Variants in PLXNA4 observed in about 807,000 individuals in gnomAD.
PLXNA4 encodes plexin A4.
PLXNA4 carries 44 observed loss-of-function variants against 191.8 expected under a neutral mutation model. The ratio of observed to expected loss-of-function variants is 0.23; its 90% CI spans 0.18 to 0.29. PLXNA4 has a LOEUF of 0.29. PLXNA4 is among the 10% of genes least tolerant of loss of function. PLXNA4 has a pLI of 1.00. For missense variants in PLXNA4, 1,800 were observed against 2,488.8 expected (o/e 0.72, Z 5.89); for synonymous variants, 1,082 against 1,009.5 (o/e 1.07, Z -1.36).
chr7:132,303,191 A>G (rs1483790695), intron 3 of PLXNA4, among the ~76,000 whole-genome samples: 1 of 151,678 alleles, frequency 6.6e-6, no homozygotes, highest in Non-Finnish European at 1.5e-5. Context: ...TTATTTTTAC[A>G]TAGTATAGAT....
chr7:132,487,440 T>C (rs1170749646), intron 3 of PLXNA4, among the ~76,000 whole-genome samples: 1 of 152,166 alleles, frequency 6.6e-6, no homozygotes, highest in African/African-American at 2.4e-5. Flanking sequence ...AGTGCATGAA[T>C]TGTACACAGT....
At position 132,303,108 on chromosome 7, in the gene PLXNA4, C is replaced by T. The variant is rs117804926; in HGVS notation, c.1372-4886G>A. On this transcript the variant is annotated intron_variant, in intron 3 of 31. Coordinates refer to ENST00000321063, the MANE Select transcript of PLXNA4 (RefSeq NM_020911.2). Reference sequence around the variant, plus strand: ...GCCAGGCTGGTCTCAAACTCGACCTCGTGATCTGCCCGCCTCGGCCTCCCA... The same window carrying T: ...GCCAGGCTGGTCTCAAACTCGACCTTGTGATCTGCCCGCCTCGGCCTCCCA... 4.0e-3 allele frequency among the ~76,000 whole-genome samples: 604 copies of T among 151,844 alleles called. 15 individuals are homozygous for T. In the East Asian group the frequency reaches 0.075, roughly 19 times the overall value.
intron 3 of PLXNA4, among the ~76,000 whole-genome samples, chr7:132,430,797 G>T (rs1795229738): frequency 6.6e-6 from 1 of 152,156 alleles, no homozygotes; most frequent in Non-Finnish European, 1.5e-5. Context: ...TGGTTGGGTG[G>T]CAATGAGATT....
rs145828587 is a variant in PLXNA4 at position 132,191,772 on chromosome 7, ATC to A, written c.2856+2288_2856+2289del. Among the ~76,000 whole-genome samples, 705 of 142,462 alleles carry A rather than the reference ATC, an allele frequency of 4.9e-3. 8 individuals are homozygous for A. The highest frequency in any genetic ancestry group is 0.015 in the African/African-American group (574 of 37,392). The allele number at this position is 142,462 out of a possible 152,430, so 93.5% of individuals were successfully genotyped here. Reference sequence around the variant, plus strand: ...GGCGAATGTCATCCCTCCTCTCTCCATCTCTCTCTCTCTCTCTCTCTCTGTCT... The same window carrying A: ...GGCGAATGTCATCCCTCCTCTCTCCATCTCTCTCTCTCTCTCTCTCTGTCT... On this transcript the variant is annotated intron_variant, in intron 14 of 31. Transcript: ENST00000321063.
chr7:132,407,372 A>G (rs989864291), intron 3 of PLXNA4, among the ~76,000 whole-genome samples: 1 of 152,256 alleles, frequency 6.6e-6, no homozygotes, highest in South Asian at 2.1e-4. Flanking sequence ...CTAGTGTGAG[A>G]AGTTTCTAGT....
At chr7:132,477,826 A>T (rs1193378906) in intron 3 of PLXNA4, among the ~76,000 whole-genome samples, 1 of 152,252 alleles carries the variant, frequency 6.6e-6, no homozygotes, top group Non-Finnish European at 1.5e-5. Context: ...TCTCAGCTAC[A>T]ATGTTGAAAG....
chr7:132,133,527 G>A (rs940618494), intron 30 of PLXNA4, among the ~76,000 whole-genome samples: 3 of 152,136 alleles, frequency 2.0e-5, no homozygotes, highest in Admixed American at 6.5e-5. Context: ...GAGAGGTCTA[G>A]ACTGTCTTGA....
chr7:132,638,528 T>C (rs1803654481), intron 2 of PLXNA4, among the ~76,000 whole-genome samples: 1 of 152,136 alleles, frequency 6.6e-6, no homozygotes, highest in African/African-American at 2.4e-5. Context: ...GGTGTGTGCC[T>C]GTAATCCCAG....
rs1008614996 is a variant in PLXNA4 at position 132,226,306 on chromosome 7, A to C, written c.1883-46T>G. 3 of 1,521,912 alleles carry C rather than the reference A, an allele frequency of 2.0e-6. No homozygotes were observed. The African/African-American group carries it at 4.1e-5, about 21-fold the overall frequency. The allele number at this position is 1,521,912 out of a possible 1,614,324, so 94.3% of individuals were successfully genotyped here. A position where few individuals can be genotyped will look rare whatever the true frequency, so the allele number is the denominator to read the frequency against. Reference sequence around the variant, plus strand: ...GGGGTCAGGGAATGCTGAGGCCCCAAGCCAGGGATTCCCTGACCAGTGACA... The same window carrying C: ...GGGGTCAGGGAATGCTGAGGCCCCACGCCAGGGATTCCCTGACCAGTGACA... On this transcript the variant is annotated intron_variant, in intron 7 of 31. Coordinates refer to ENST00000321063, the MANE Select transcript of PLXNA4 (RefSeq NM_020911.2).
chr7:132,198,920 G>A (rs577365927), intron 12 of PLXNA4, among the ~76,000 whole-genome samples: 8 of 152,166 alleles, frequency 5.3e-5, no homozygotes, highest in South Asian at 2.1e-4. Context: ...CAATGCTACC[G>A]GGTGATTCGT....
intron 2 of PLXNA4, among the ~76,000 whole-genome samples, chr7:132,617,216 A>T (rs930215892): frequency 6.6e-6 from 1 of 152,170 alleles, no homozygotes; most frequent in African/African-American, 2.4e-5. Context: ...CCCAGCTGTC[A>T]TGCTGAGAGG....
chr7:132,403,178 C>T (rs1003636945), intron 3 of PLXNA4, among the ~76,000 whole-genome samples: 19 of 152,184 alleles, frequency 1.2e-4, no homozygotes, highest in Admixed American at 3.9e-4. Flanking sequence ...GCCCAGGTCC[C>T]GGCCCCAGAC....
chr7:132,472,921 A>G (rs1398256185), intron 3 of PLXNA4, among the ~76,000 whole-genome samples: 1 of 152,218 alleles, frequency 6.6e-6, no homozygotes, highest in African/African-American at 2.4e-5. Context: ...GTTCCAGGAC[A>G]GGTCCACAGA....
At position 132,433,939 on chromosome 7, in the gene PLXNA4, A is replaced by G. The variant is rs367854162; in HGVS notation, c.1371+55353T>C. Among the ~76,000 whole-genome samples the G allele has an allele frequency of 1.1e-3, 172 of 152,324 alleles. 1 individual carries two copies. Among genetic ancestry groups the G allele is most frequent in the Middle Eastern group, 6.8e-3 (2 of 294 alleles). ...CCAGGCTAAGGATTCACAGAAGGAA[A>G]AGTTGATGATCCCAGTCCCTAGAGA... On this transcript the variant is annotated intron_variant, in intron 3 of 31. Coordinates refer to ENST00000321063, the MANE Select transcript of PLXNA4 (RefSeq NM_020911.2).
intron 3 of PLXNA4, among the ~76,000 whole-genome samples, chr7:132,477,777 C>G (rs921224270): frequency 6.6e-6 from 1 of 152,114 alleles, no homozygotes; most frequent in Non-Finnish European, 1.5e-5. Flanking sequence ...ACTGTATTTT[C>G]TATGTGAAGA....
chr7:132,602,408 A>G (rs1317506243), intron 2 of PLXNA4, among the ~76,000 whole-genome samples: 2 of 152,134 alleles, frequency 1.3e-5, no homozygotes, highest in Admixed American at 1.3e-4. Flanking sequence ...CGACCAAGAG[A>G]CCATGTTGCC....
At position 132,298,220 on chromosome 7, in the gene PLXNA4, G is replaced by A. The variant is rs1418430168; in HGVS notation, c.1374C>T (p.Ile458=). ...CGTTGCCCCTGGGTCCATCCACCCG[G>A]ATCTGTGGAGAAGAAGAGGAGAGCC... The part of the protein sequence containing the change: ...VGTKSGKLKK[I]RVDGPRGNAL... The change falls in exon 4 of 32, where the codon ATC becomes ATT. Residue 458 remains isoleucine, a splice_region_variant and synonymous_variant. Coordinates refer to ENST00000321063, the MANE Select transcript of PLXNA4 (RefSeq NM_020911.2). 2 of 1,611,364 alleles carry A rather than the reference G, an allele frequency of 1.2e-6. No individual in the cohort carries two copies. Among genetic ancestry groups the A allele is most frequent in the Admixed American group, 3.4e-5 (2 of 59,624 alleles).
intron 3 of PLXNA4, among the ~76,000 whole-genome samples, chr7:132,442,416 A>T (rs1585140954): frequency 6.6e-6 from 1 of 152,236 alleles, no homozygotes; most frequent in East Asian, 1.9e-4. Flanking sequence ...CCCCCATCCC[A>T]CTTTCAGAAG....
intron 6 of PLXNA4, 87 bp from the exon 7 acceptor site, chr7:132,227,691 G>T: frequency 6.5e-7 from 1 of 1,535,582 alleles, no homozygotes; most frequent in South Asian, 1.2e-5. Context: ...GTGGGAGAGT[G>T]AGAGAGATCA....
Sources: gnomAD v4.1 joint callset for allele counts (sites outside exome capture counted in the v4.1 genomes callset) on GRCh38, gnomAD v4.1.1 for gene constraint, MANE v1.5 for transcripts, NCBI Gene and HGNC (gene_info 2026-07-23, HGNC 2026-07-21) for gene names.